Variants in CELF1 observed in about 807,000 individuals in gnomAD.
The protein encoded by CELF1 is 50 kDa nuclear polyadenylated RNA-binding protein.
In CELF1, 10 loss-of-function variants were observed where a neutral mutation model predicts 61.8. The ratio of observed to expected loss-of-function variants is 0.16; its 90% CI spans 0.10 to 0.27. The LOEUF is 0.27. Ranked by LOEUF, CELF1 falls within the 10% of genes least tolerant of loss-of-function variation. CELF1 has a pLI of 1.00. For missense variants in CELF1, 380 were observed against 639.1 expected, an observed-to-expected ratio of 0.59 and a Z score of 4.37; for synonymous variants, 236 against 225.1, an observed-to-expected ratio of 1.05 and a Z score of -0.43.
At chr11:47,548,298 C>CA (rs368036214) in intron 1 of CELF1, among the ~76,000 whole-genome samples, 48 of 148,994 alleles carry the variant, frequency 3.2e-4, no homozygotes, top group Middle Eastern at 3.5e-3. Context: ...GACTCCGTCT[C>CA]AAAAAAAAAG....
chr11:47,553,807 T>A (rs556888840), upstream of CELF1, among the ~76,000 whole-genome samples: 1,846 of 120,914 alleles, frequency 0.015, 32 homozygotes, highest in African/African-American at 0.038. Context: ...GAAAAAAAAA[T>A]ATATATATAT....
intron 2 of CELF1, among the ~76,000 whole-genome samples, chr11:47,562,506 G>A (rs1434534124): frequency 8.4e-6 from 1 of 119,668 alleles, no homozygotes. Flanking sequence ...TCCAGCCTGG[G>A]CAACAGGAGT....
intron 1 of CELF1, among the ~76,000 whole-genome samples, chr11:47,547,090 A>AAAAAAG (rs2096978675): frequency 5.5e-5 from 8 of 145,638 alleles, no homozygotes; most frequent in African/African-American, 2.0e-4. Context: ...AAAAAAAAAA[A>AAAAAAG]AAAGAAAGAA....
At chr11:47,494,305 GGCAGCAGAA>G (rs1340944478) in intron 3 of CELF1, 1 of 786,214 alleles carries the variant, frequency 1.3e-6, no homozygotes, top group Non-Finnish European at 1.5e-6. Context: ...TTCTACTACT[GGCAGCAGAA>G]GCAGTAATAG....
At chr11:47,552,891 C>T (rs2097180133) in intron 1 of CELF1, 101 bp downstream of exon 1, 4 of 396,138 alleles carry the variant, frequency 1.0e-5, no homozygotes, top group Non-Finnish European at 1.8e-5. Context: ...GCCCTGTGAC[C>T]CGCGGCCTCC....
At chr11:47,538,152 A>G (rs1011505236) in intron 1 of CELF1, among the ~76,000 whole-genome samples, 1 of 152,048 alleles carries the variant, frequency 6.6e-6, no homozygotes, top group African/African-American at 2.4e-5. Flanking sequence ...GCCTCAAGCA[A>G]TCCTCTTGCC....
intron 1 of CELF1, among the ~76,000 whole-genome samples, chr11:47,537,491 C>T (rs1351498879): frequency 6.6e-6 from 1 of 152,014 alleles, no homozygotes; most frequent in South Asian, 2.1e-4. Context: ...TCGTGATCCA[C>T]CCGACTCAGT....
chr11:47,546,236 CTT>C (rs11315629), intron 1 of CELF1, among the ~76,000 whole-genome samples: 801 of 79,146 alleles, frequency 0.01, 11 homozygotes, highest in African/African-American at 0.026. Context: ...CTCTCAGTAT[CTT>C]TTTTTTTTTT....
chr11:47,532,862 CAG>C (rs1441551771), intron 1 of CELF1, among the ~76,000 whole-genome samples: 1 of 152,210 alleles, frequency 6.6e-6, no homozygotes, highest in Admixed American at 6.5e-5. Flanking sequence ...TAACGGAACA[CAG>C]AAATTAAAAC....
At chr11:47,513,760 C>A (rs2095386380) in intron 1 of CELF1, 1 of 144,150 alleles carries the variant, frequency 6.9e-6, no homozygotes, top group South Asian at 2.2e-4. Flanking sequence ...CGGCCACCCT[C>A]TTTTTTTTTT....
Position 47,482,866 on chromosome 11 carries a change from G to T in CELF1, c.607-10C>A. 6.2e-7 allele frequency: 1 copy of T among 1,607,892 alleles called. No homozygotes were observed. The highest frequency in any genetic ancestry group is 1.1e-5 in the South Asian group (1 of 90,192). On this transcript the variant is annotated splice_polypyrimidine_tract_variant and intron_variant, in intron 8 of 14. Transcript: ENST00000687097. ...TGGGTGATGAGCAACCCTGTGAAAA[G>T]ACCATAACGAAAGGGTCAAATTCCT... is the stretch of plus-strand genomic sequence containing the variant.
intron 1 of CELF1, among the ~76,000 whole-genome samples, chr11:47,542,742 C>T (rs1055100213): frequency 3.9e-5 from 6 of 152,090 alleles, no homozygotes; most frequent in Non-Finnish European, 8.8e-5. Flanking sequence ...ACGTGATCCG[C>T]GTGTCTTGGC....
At chr11:47,477,475 T>C (rs777159649) in intron 10 of CELF1, 50 bp from the exon 11 acceptor site, 7 of 1,598,458 alleles carry the variant, frequency 4.4e-6, no homozygotes, top group Admixed American at 3.4e-5. Flanking sequence ...GTGCTTCATA[T>C]CCATTCCAGC....
intron 1 of CELF1, among the ~76,000 whole-genome samples, chr11:47,502,880 T>G (rs990122194): frequency 6.6e-6 from 1 of 152,090 alleles, no homozygotes; most frequent in Non-Finnish European, 1.5e-5. Context: ...AAGGAAGCAT[T>G]AGAAATACAG....
rs533416837 is a variant in CELF1 at position 47,550,216 on chromosome 11, C to T, written c.-154+2776G>A. On this transcript the variant is annotated intron_variant, in intron 1 of 14. Coordinates refer to ENST00000687097, the MANE Select transcript of CELF1 (RefSeq NM_001376376.1). Reference sequence around the variant, plus strand: ...CCAGCCTGGGCAAAACAGTGACACCCTGTCTCTACAAAAACAAACAAACAA... The same window carrying T: ...CCAGCCTGGGCAAAACAGTGACACCTTGTCTCTACAAAAACAAACAAACAA... Among the ~76,000 whole-genome samples the T allele has an allele frequency of 1.2e-4, 19 of 152,060 alleles. No individual in the cohort carries two copies. The South Asian group carries it at 3.3e-3, about 27-fold the overall frequency.
intron 4 of CELF1, among the ~76,000 whole-genome samples, chr11:47,488,157 A>T (rs2088828483): frequency 6.6e-6 from 1 of 152,226 alleles, no homozygotes; most frequent in African/African-American, 2.4e-5. Flanking sequence ...GCTTTCACAG[A>T]AAATTATTTG....
chr11:47,491,938 A>C (rs2091646285), intron 3 of CELF1, among the ~76,000 whole-genome samples: 1 of 152,254 alleles, frequency 6.6e-6, no homozygotes, highest in Non-Finnish European at 1.5e-5. Context: ...ATTTAAGAGC[A>C]GCTATTATCT....
intron 1 of CELF1, among the ~76,000 whole-genome samples, chr11:47,526,265 A>C (rs1293084134): frequency 6.6e-6 from 1 of 152,208 alleles, no homozygotes; most frequent in African/African-American, 2.4e-5. Flanking sequence ...GGTTGCCGTG[A>C]GCCAAGATTG....
At chr11:47,503,151 G>T (rs915906013) in intron 1 of CELF1, among the ~76,000 whole-genome samples, 1 of 152,158 alleles carries the variant, frequency 6.6e-6, no homozygotes, top group African/African-American at 2.4e-5. Flanking sequence ...CATTAAAAGT[G>T]ATCAATATAG....
Sources: gnomAD v4.1 joint callset for allele counts (sites outside exome capture counted in the v4.1 genomes callset) on GRCh38, gnomAD v4.1.1 for gene constraint, MANE v1.5 for transcripts, NCBI Gene and HGNC (gene_info 2026-07-23, HGNC 2026-07-21) for gene names.